The following CLASP1 variants were observed in gnomAD, a reference collection of about 807,000 sequenced individuals.
The protein encoded by CLASP1 is cytoplasmic linker associated protein 1.
In CLASP1, 38 loss-of-function variants were observed where a neutral mutation model predicts 192.3. That is an observed-to-expected ratio of 0.20 (90% CI 0.15 to 0.26). CLASP1 has a LOEUF of 0.26. Among genes scored for constraint, CLASP1 ranks in the 10% least tolerant of loss-of-function variants. The pLI is 1.00. For synonymous variants in CLASP1, 691 were observed against 712.8 expected (o/e 0.97, Z 0.49); for missense variants, 1,433 against 1,932.5 (o/e 0.74, Z 4.85).
intron 8 of CLASP1, among the ~76,000 whole-genome samples, chr2:121,502,933 C>T (rs192124063): frequency 6.6e-6 from 1 of 152,196 alleles, no homozygotes. Context: ...ATTCAGGACG[C>T]AGTTTTAAAA....
intron 28 of CLASP1, among the ~76,000 whole-genome samples, chr2:121,400,434 T>C (rs1321617571): frequency 1.3e-5 from 2 of 152,048 alleles, no homozygotes; most frequent in Non-Finnish European, 2.9e-5. Context: ...GCTGCACGCA[T>C]AGGGAGATGC....
chr2:121,517,397 G>T (rs1353022646), intron 6 of CLASP1, among the ~76,000 whole-genome samples: 1 of 152,168 alleles, frequency 6.6e-6, no homozygotes, highest in Non-Finnish European at 1.5e-5. Flanking sequence ...AGTGTTACAT[G>T]ACAGGTAACT....
At chr2:121,513,531 C>A (rs1187415120) in intron 7 of CLASP1, among the ~76,000 whole-genome samples, 1 of 152,108 alleles carries the variant, frequency 6.6e-6, no homozygotes, top group Non-Finnish European at 1.5e-5. Context: ...CCAGCTCTGG[C>A]ATCCAGGCCT....
chr2:121,479,010 C>G (rs561449973), intron 8 of CLASP1, among the ~76,000 whole-genome samples: 8 of 89,832 alleles, frequency 8.9e-5, no homozygotes, highest in Non-Finnish European at 1.7e-4. Context: ...ACACCACACA[C>G]ACACACCACA....
At chr2:121,554,640 G>T (rs1368188790) in intron 2 of CLASP1, among the ~76,000 whole-genome samples, 1 of 151,828 alleles carries the variant, frequency 6.6e-6, no homozygotes, top group Non-Finnish European at 1.5e-5. Flanking sequence ...TGGATTAAAA[G>T]ACTACATATT....
chr2:121,612,772 G>A (rs2065826177), intron 1 of CLASP1, among the ~76,000 whole-genome samples: 1 of 152,144 alleles, frequency 6.6e-6, no homozygotes. Flanking sequence ...ACAATGGGAG[G>A]CACTGCGATA....
At chr2:121,483,526 GTA>G (rs1191638260) in intron 8 of CLASP1, among the ~76,000 whole-genome samples, 1 of 151,092 alleles carries the variant, frequency 6.6e-6, no homozygotes, top group Non-Finnish European at 1.5e-5. Context: ...ATATGTGTGT[GTA>G]TATATATGTA....
chr2:121,396,055 C>G (rs7585183), intron 30 of CLASP1, among the ~76,000 whole-genome samples: 6,377 of 152,292 alleles, frequency 0.042, 170 homozygotes, highest in East Asian at 0.14. Context: ...AGAGTGTCTA[C>G]GCTCTGCCCT....
intron 2 of CLASP1, among the ~76,000 whole-genome samples, chr2:121,577,252 T>C (rs1168864656): frequency 1.3e-5 from 2 of 150,582 alleles, no homozygotes; most frequent in Non-Finnish European, 3.0e-5. Flanking sequence ...GACAAAAGGT[T>C]GGGAAAAAAG....
chr2:121,575,915 A>G (rs1381786560), intron 2 of CLASP1, among the ~76,000 whole-genome samples: 1 of 152,202 alleles, frequency 6.6e-6, no homozygotes, highest in East Asian at 1.9e-4. Context: ...CTACCCAACA[A>G]CAGAGGGTGC....
Position 121,347,277 on chromosome 2 carries a change from A to G in CLASP1, c.4414-123T>C, listed in dbSNP as rs1354888722. 3 of 665,490 alleles carry G rather than the reference A, an allele frequency of 4.5e-6. No homozygotes were observed. The African/African-American group carries it at 5.4e-5, about 12-fold the overall frequency. 41.2% of individuals were successfully genotyped at this position (665,490 alleles called of 1,614,324 possible). On this transcript the variant is annotated intron_variant, in intron 38 of 39. Coordinates refer to ENST00000263710, the Ensembl canonical transcript of CLASP1. ...AACCTTGGACTTGTCAGTAACAACCAGGATAGACCTCAGCCCCGCAATGGA... is the reference window on the plus strand; with the variant it reads ...AACCTTGGACTTGTCAGTAACAACCGGGATAGACCTCAGCCCCGCAATGGA...
intron 8 of CLASP1, among the ~76,000 whole-genome samples, chr2:121,491,161 A>C (rs1021747783): frequency 1.3e-5 from 2 of 152,220 alleles, no homozygotes; most frequent in Non-Finnish European, 2.9e-5. Context: ...TAAGTGTAAA[A>C]CCATAAAGCA....
At chr2:121,499,892 C>T (rs781181102) in intron 8 of CLASP1, among the ~76,000 whole-genome samples, 42 of 151,954 alleles carry the variant, frequency 2.8e-4, no homozygotes, top group Admixed American at 2.0e-3. Flanking sequence ...AAAAATCCTA[C>T]GGCTAATACC....
At chr2:121,621,317 T>C (rs1381465411) in intron 1 of CLASP1, among the ~76,000 whole-genome samples, 3 of 152,146 alleles carry the variant, frequency 2.0e-5, no homozygotes, top group Non-Finnish European at 2.9e-5. Context: ...TCTTTTTTAA[T>C]AGAGATGGCA....
chr2:121,462,960 T>C (rs1252800450), intron 9 of CLASP1, among the ~76,000 whole-genome samples: 1 of 152,184 alleles, frequency 6.6e-6, no homozygotes, highest in Admixed American at 6.5e-5. Flanking sequence ...CATCAGGGAA[T>C]AACTTAAATT....
At chr2:121,442,892 TC>T (rs139733896) in intron 19 of CLASP1, among the ~76,000 whole-genome samples, 7,806 of 152,174 alleles carry the variant, frequency 0.051, 662 homozygotes, top group African/African-American at 0.18. Context: ...CCATAATGGT[TC>T]CAAAAATGCA....
chr2:121,391,913 A>G (rs1442029635), intron 30 of CLASP1, among the ~76,000 whole-genome samples: 1 of 152,212 alleles, frequency 6.6e-6, no homozygotes, highest in Non-Finnish European at 1.5e-5. Flanking sequence ...ACAACAACAA[A>G]AAAGACTTGA....
intron 22 of CLASP1, among the ~76,000 whole-genome samples, chr2:121,421,017 A>G (rs1470549852): frequency 3.7e-4 from 56 of 152,208 alleles, no homozygotes. Context: ...CTCATTTAAC[A>G]TATGGCTAGT....
intron 2 of CLASP1, among the ~76,000 whole-genome samples, chr2:121,554,040 G>A (rs1230333657): frequency 2.7e-5 from 4 of 149,772 alleles, no homozygotes; most frequent in Admixed American, 6.7e-5. Flanking sequence ...ATAGTGAGAT[G>A]CCATCTCTTT....
Sources: allele counts gnomAD v4.1 joint callset (sites outside exome capture counted in the v4.1 genomes callset), GRCh38; gene constraint gnomAD v4.1.1; transcripts MANE v1.5; gene names NCBI Gene and HGNC (gene_info 2026-07-23, HGNC 2026-07-21).